The following PRELID2 variants were observed in gnomAD, a reference collection of about 807,000 sequenced individuals.
PRELID2 encodes the protein PRELI domain-containing protein 2.
Under a neutral mutation model 28.4 loss-of-function variants are expected in PRELID2, and 25 were observed. That is an observed-to-expected ratio of 0.88 (90% CI 0.64 to 1.23). The LOEUF is 1.23. Ranked by LOEUF, PRELID2 falls within the 50% of genes most tolerant of loss-of-function variation. The pLI, the probability that PRELID2 is intolerant of heterozygous loss-of-function variation, is 0.00. For synonymous variants in PRELID2, 76 were observed against 71.6 expected, an observed-to-expected ratio of 1.06 and a Z score of -0.31; for missense variants, 201 against 214.4, an observed-to-expected ratio of 0.94 and a Z score of 0.39.
the PRELID2 span, among the ~76,000 whole-genome samples, chr5:145,423,305 C>T: frequency 2.9e-4 from 44 of 150,182 alleles, no homozygotes; most frequent in African/African-American, 1.0e-3. Context: ...TGGGGAAGTT[C>T]TCCTGGATAA....
intron 1 of PRELID2, among the ~76,000 whole-genome samples, chr5:145,734,528 G>C (rs1371793019): frequency 6.6e-6 from 1 of 152,154 alleles, no homozygotes; most frequent in East Asian, 1.9e-4. Flanking sequence ...GAGACCAAAA[G>C]TCTACCAATG....
At chr5:145,697,064 TATATATATATATATATAC>T (rs1294689929) in intron 1 of PRELID2, among the ~76,000 whole-genome samples, 16 of 120,698 alleles carry the variant, frequency 1.3e-4, no homozygotes, top group Middle Eastern at 7.9e-3. Flanking sequence ...TATATATATA[TATATATATATATATATAC>T]ACACACACAC....
Position 145,508,635 on chromosome 5 carries a change from T to C in PRELID2, n.71-35320A>G, listed in dbSNP as rs182635702. On this transcript the variant is annotated intron_variant and non_coding_transcript_variant, in intron 1 of 2. Coordinates refer to the PRELID2 transcript ENST00000510259. ...ACAGGATTTTGGGATCTAGATATCA[T>C]AGGGCACCTATCTTCTCCTCTTGCT... Among the ~76,000 whole-genome samples, 937 of 152,298 alleles carry C rather than the reference T, an allele frequency of 6.2e-3. 2 individuals are homozygous for C. The highest frequency in any genetic ancestry group is 9.4e-3 in the Non-Finnish European group (637 of 68,032).
intron 1 of PRELID2, among the ~76,000 whole-genome samples, chr5:145,830,595 CAAAG>C (rs991953308): frequency 5.3e-5 from 8 of 152,128 alleles, no homozygotes; most frequent in Admixed American, 5.2e-4. Flanking sequence ...AAGAATCACA[CAAAG>C]AAAGAAACCA....
chr5:145,831,329 T>G (rs1755568495), intron 1 of PRELID2, among the ~76,000 whole-genome samples: 1 of 152,038 alleles, frequency 6.6e-6, no homozygotes, highest in South Asian at 2.1e-4. Context: ...AAGGAAGGAG[T>G]AACTTTTTCT....
the PRELID2 span, among the ~76,000 whole-genome samples, chr5:145,368,892 C>T: frequency 6.6e-6 from 1 of 151,360 alleles, no homozygotes; most frequent in Non-Finnish European, 1.5e-5. Flanking sequence ...GGGGTTGTTA[C>T]ATAGATCATT....
chr5:145,563,605 C>T (rs577657602), intron 1 of PRELID2, among the ~76,000 whole-genome samples: 8 of 152,314 alleles, frequency 5.3e-5, no homozygotes, highest in East Asian at 3.9e-4. Context: ...CAGACAGCTT[C>T]GATTTTAGTC....
intron 5 of PRELID2, chr5:145,795,809 A>T (rs1752706108): frequency 6.6e-6 from 1 of 152,198 alleles, no homozygotes; most frequent in South Asian, 2.1e-4. Context: ...AAAATAGAAG[A>T]TATAAATGTT....
At chr5:145,400,208 A>C in the PRELID2 span, among the ~76,000 whole-genome samples, 1 of 152,140 alleles carries the variant, frequency 6.6e-6, no homozygotes, top group Non-Finnish European at 1.5e-5. Flanking sequence ...GTGTACAACT[A>C]GTCCTGATCT....
intron 1 of PRELID2, among the ~76,000 whole-genome samples, chr5:145,509,184 T>C (rs1259611011): frequency 2.6e-5 from 4 of 152,162 alleles, no homozygotes; most frequent in Non-Finnish European, 5.9e-5. Context: ...ACAACAGCAA[T>C]GACAACTGCT....
the PRELID2 span, among the ~76,000 whole-genome samples, chr5:145,260,290 T>C: frequency 1.3e-5 from 2 of 152,090 alleles, no homozygotes; most frequent in Non-Finnish European, 2.9e-5. Context: ...CAATTCAGCA[T>C]ATTTACCCAG....
chr5:145,489,204 C>G (rs1478035220), intron 1 of PRELID2, among the ~76,000 whole-genome samples: 1 of 152,108 alleles, frequency 6.6e-6, no homozygotes, highest in African/African-American at 2.4e-5. Context: ...CTATAAATTC[C>G]TTTTGGCTTT....
the PRELID2 span, among the ~76,000 whole-genome samples, chr5:145,255,006 G>T: frequency 2.0e-5 from 3 of 151,704 alleles, no homozygotes; most frequent in East Asian, 1.9e-4. Context: ...CTCAGAGCCA[G>T]CTCACCTATA....
intron 4 of PRELID2, among the ~76,000 whole-genome samples, chr5:145,805,271 T>C (rs953237588): frequency 6.6e-6 from 1 of 152,206 alleles, no homozygotes; most frequent in Non-Finnish European, 1.5e-5. Context: ...ATTTTGACTT[T>C]TCAGCAGGTG....
chr5:145,351,422 C>G, the PRELID2 span, among the ~76,000 whole-genome samples: 1 of 152,040 alleles, frequency 6.6e-6, no homozygotes, highest in South Asian at 2.1e-4. Flanking sequence ...CTTATAAAAC[C>G]ATCAGATCTT....
chr5:145,233,919 AG>A, the PRELID2 span, among the ~76,000 whole-genome samples: 11 of 152,328 alleles, frequency 7.2e-5, no homozygotes, highest in South Asian at 2.1e-3. Flanking sequence ...GGATCTGAAT[AG>A]GACAGGGGTA....
At chr5:145,708,701 T>C (rs138236462) in intron 1 of PRELID2, among the ~76,000 whole-genome samples, 25 of 152,350 alleles carry the variant, frequency 1.6e-4, no homozygotes, top group African/African-American at 5.8e-4. Context: ...TTTGAAGTCA[T>C]GCTGTAGGGA....
chr5:145,391,689 T>G, the PRELID2 span, among the ~76,000 whole-genome samples: 818 of 152,200 alleles, frequency 5.4e-3, 6 homozygotes, highest in African/African-American at 0.015. Context: ...GTTTTGTTTT[T>G]TTTTTTTTTC....
chr5:145,281,554 C>T, the PRELID2 span, among the ~76,000 whole-genome samples: 2 of 152,288 alleles, frequency 1.3e-5, no homozygotes, highest in Admixed American at 1.3e-4. Context: ...GCTTATCTGG[C>T]TGTATCTACC....
Sources: allele counts gnomAD v4.1 joint callset (sites outside exome capture counted in the v4.1 genomes callset), GRCh38; gene constraint gnomAD v4.1.1; transcripts MANE v1.5; gene names NCBI Gene and HGNC (gene_info 2026-07-23, HGNC 2026-07-21).